Variants in FCHSD2 observed in about 807,000 individuals in gnomAD.
The protein encoded by FCHSD2 is FCH and double SH3 domains 2, also known as F-BAR and double SH3 domains protein 2.
FCHSD2 carries 38 observed loss-of-function variants against 108.1 expected under a neutral mutation model. That is an observed-to-expected ratio of 0.35 (90% CI 0.27 to 0.46). FCHSD2 has a LOEUF of 0.46. FCHSD2 is among the 20% of genes least tolerant of loss of function. FCHSD2 has a pLI of 1.00. For synonymous variants in FCHSD2, 279 were observed against 314.7 expected (o/e 0.89, Z 1.20); for missense variants, 751 against 897.8 (o/e 0.84, Z 2.09).
chr11:73,015,183 T>C (rs1021106183), intron 4 of FCHSD2, among the ~76,000 whole-genome samples: 2 of 152,234 alleles, frequency 1.3e-5, no homozygotes, highest in East Asian at 3.8e-4. Context: ...ACTTTTAAGA[T>C]ATCAGTAGGT....
intron 10 of FCHSD2, among the ~76,000 whole-genome samples, chr11:72,899,414 G>C (rs940425580): frequency 6.6e-6 from 1 of 152,002 alleles, no homozygotes; most frequent in African/African-American, 2.4e-5. Context: ...AGTCATTAGG[G>C]AAATGCAAAC....
intron 8 of FCHSD2, 118 bp from the exon 9 acceptor site, chr11:72,922,068 G>T: frequency 3.2e-6 from 2 of 622,968 alleles, no homozygotes; most frequent in Non-Finnish European, 5.4e-6. Flanking sequence ...AATAATAAAT[G>T]GACAAAAGAT....
intron 2 of FCHSD2, among the ~76,000 whole-genome samples, chr11:73,086,770 C>A (rs1385371241): frequency 2.0e-5 from 3 of 152,022 alleles, no homozygotes; most frequent in Non-Finnish European, 2.9e-5. Context: ...AACTGTACAC[C>A]AGCAAATTAG....
At chr11:73,025,070 A>G (rs547013467) in intron 3 of FCHSD2, among the ~76,000 whole-genome samples, 38 of 152,330 alleles carry the variant, frequency 2.5e-4, no homozygotes, top group Non-Finnish European at 4.7e-4. Context: ...GGCATTGTGG[A>G]AGACTGTCAT....
chr11:72,922,386 G>C (rs536566298), intron 8 of FCHSD2, among the ~76,000 whole-genome samples: 2 of 152,122 alleles, frequency 1.3e-5, no homozygotes, highest in African/African-American at 2.4e-5. Flanking sequence ...TATATTTACT[G>C]AACAGCAGTG....
intron 14 of FCHSD2, among the ~76,000 whole-genome samples, chr11:72,848,030 G>A (rs1339339979): frequency 6.6e-6 from 1 of 152,128 alleles, no homozygotes; most frequent in African/African-American, 2.4e-5. Context: ...GTTCTCACCA[G>A]ATTATTCGAG....
chr11:73,072,218 T>C (rs1301246392), intron 3 of FCHSD2, among the ~76,000 whole-genome samples: 4 of 150,514 alleles, frequency 2.7e-5, no homozygotes, highest in African/African-American at 9.8e-5. Flanking sequence ...AATTAATTAA[T>C]AGAAACAGAA....
intron 5 of FCHSD2, among the ~76,000 whole-genome samples, chr11:72,991,664 T>C (rs1398765248): frequency 1.3e-5 from 2 of 152,166 alleles, no homozygotes; most frequent in African/African-American, 4.8e-5. Flanking sequence ...AAAAACCATA[T>C]GATTATCTCA....
At position 73,098,014 on chromosome 11, in the gene FCHSD2, A is replaced by G. The variant is rs1860132509; in HGVS notation, c.120-14274T>C. Among the ~76,000 whole-genome samples the G allele has an allele frequency of 2.0e-5, 3 of 152,278 alleles. No homozygotes were observed. In the South Asian group the frequency reaches 6.2e-4, roughly 32 times the overall value. On this transcript the variant is annotated intron_variant, in intron 2 of 19. Transcript: ENST00000409418. ...AGGTTTGCCAATAAGTTATCTTTTC[A>G]AAGTACCAACTTTAGTTTCATTGAT...
At chr11:73,129,429 C>T (rs1242530842) in intron 2 of FCHSD2, among the ~76,000 whole-genome samples, 5 of 152,186 alleles carry the variant, frequency 3.3e-5, no homozygotes, top group Admixed American at 6.5e-5. Context: ...ACCTGAGCTC[C>T]GCCTCCTGTC....
chr11:73,044,044 T>C (rs1326643394), intron 3 of FCHSD2, among the ~76,000 whole-genome samples: 1 of 152,186 alleles, frequency 6.6e-6, no homozygotes, highest in Non-Finnish European at 1.5e-5. Context: ...GGTTAAACAA[T>C]TAGCCTATCC....
At chr11:73,008,507 C>T (rs1857791217) in intron 4 of FCHSD2, among the ~76,000 whole-genome samples, 1 of 152,234 alleles carries the variant, frequency 6.6e-6, no homozygotes, top group South Asian at 2.1e-4. Context: ...AGGAAAAAGA[C>T]TGCTTTCAGT....
rs755994711 is a variant in FCHSD2 at position 72,842,704 on chromosome 11, G to A, written c.1843C>T (p.Arg615Cys). The A allele has an allele frequency of 9.3e-6, 15 of 1,613,788 alleles. No homozygotes were observed. The highest frequency in any genetic ancestry group is 1.6e-4 in the Middle Eastern group (1 of 6,084). The change falls in exon 17 of 20, where the codon CGT becomes TGT. Residue 615 changes from arginine to cysteine, a missense_variant. Coordinates refer to ENST00000409418, the MANE Select transcript of FCHSD2 (RefSeq NM_014824.3). ...AGCACCGATGGGAAAACTCCAATAC[G>A]CCCATTGAATTCCCCTTCCCAGAAG... ...DGFWEGEFNG[R>C]IGVFPSVLVE... is the part of the protein sequence containing the mutation.
At chr11:72,886,949 T>A (rs1855210606) in intron 12 of FCHSD2, among the ~76,000 whole-genome samples, 1 of 152,096 alleles carries the variant, frequency 6.6e-6, no homozygotes, top group African/African-American at 2.4e-5. Flanking sequence ...CCACAAAAAA[T>A]TAAAATCCAC....
intron 8 of FCHSD2, among the ~76,000 whole-genome samples, chr11:72,931,411 A>T (rs989202859): frequency 3.7e-4 from 54 of 146,742 alleles, no homozygotes; most frequent in African/African-American, 1.3e-3. Context: ...CCAGCCTTAA[A>T]TTTTTTTTTT....
intron 8 of FCHSD2, among the ~76,000 whole-genome samples, chr11:72,972,503 C>T (rs1157459595): frequency 1.3e-5 from 2 of 152,306 alleles, no homozygotes; most frequent in East Asian, 3.9e-4. Context: ...AAAGAGGAAA[C>T]AGGCTCACAA....
At chr11:73,114,631 A>T (rs1454321788) in intron 2 of FCHSD2, among the ~76,000 whole-genome samples, 2 of 151,762 alleles carry the variant, frequency 1.3e-5, no homozygotes, top group Non-Finnish European at 2.9e-5. Context: ...GCCCAAGGGC[A>T]CTTTAGTCAG....
At chr11:72,958,993 ATG>A (rs59339008) in intron 8 of FCHSD2, among the ~76,000 whole-genome samples, 34,611 of 114,502 alleles carry the variant, frequency 0.3, 4,416 homozygotes, top group Middle Eastern at 0.39. Flanking sequence ...TCAGTAAGAT[ATG>A]TGTGTGTGTG....
At chr11:72,995,095 C>T (rs1403546632) in intron 5 of FCHSD2, among the ~76,000 whole-genome samples, 1 of 152,138 alleles carries the variant, frequency 6.6e-6, no homozygotes, top group Non-Finnish European at 1.5e-5. Flanking sequence ...CCTTATGTTT[C>T]TCACTTCTTT....
Sources: allele counts gnomAD v4.1 joint callset (sites outside exome capture counted in the v4.1 genomes callset), GRCh38; gene constraint gnomAD v4.1.1; transcripts MANE v1.5; gene names NCBI Gene and HGNC (gene_info 2026-07-23, HGNC 2026-07-21).